The following SYNPR variants were observed in gnomAD, a reference collection of about 807,000 sequenced individuals.
The protein encoded by SYNPR is synaptoporin.
A neutral mutation model predicts 32.9 loss-of-function variants in SYNPR; 23 were observed. The observed-to-expected ratio is 0.70, with a 90% confidence interval of 0.50 to 0.99. The LOEUF is 0.99. Ranked by LOEUF, SYNPR falls within the 50% of genes least tolerant of loss-of-function variation. The probability of loss-of-function intolerance (pLI) is 0.00; values close to 1 mark genes in which losing one functional copy is unlikely to be tolerated. For synonymous variants in SYNPR, 146 were observed against 135.9 expected (o/e 1.07, Z -0.52); for missense variants, 318 against 349.3 (o/e 0.91, Z 0.71).
intron 3 of SYNPR, among the ~76,000 whole-genome samples, chr3:63,487,825 G>C (rs959620323): frequency 6.6e-6 from 1 of 152,146 alleles, no homozygotes; most frequent in Admixed American, 6.5e-5. Flanking sequence ...CGGTGGAGTA[G>C]GAGACTGAGG....
intron 1 of SYNPR, among the ~76,000 whole-genome samples, chr3:63,252,296 C>T (rs772761065): frequency 6.6e-5 from 10 of 152,098 alleles, no homozygotes; most frequent in East Asian, 1.9e-4. Context: ...ACTAAAATCA[C>T]GTATTCCTTT....
intron 1 of SYNPR, among the ~76,000 whole-genome samples, chr3:63,246,402 A>AC (rs1162949488): frequency 1.3e-5 from 2 of 152,042 alleles, no homozygotes; most frequent in Non-Finnish European, 2.9e-5. Flanking sequence ...TTTAGTGAGC[A>AC]CCTACTGTGT....
chr3:63,202,971 G>C, the SYNPR span, among the ~76,000 whole-genome samples: 3 of 150,566 alleles, frequency 2.0e-5, no homozygotes, highest in African/African-American at 7.4e-5. Context: ...ATCTATGGTA[G>C]CTGGAAAGAA....
chr3:63,478,858 C>T (rs948464043), intron 2 of SYNPR, among the ~76,000 whole-genome samples: 5 of 152,124 alleles, frequency 3.3e-5, no homozygotes, highest in African/African-American at 1.2e-4. Flanking sequence ...TGACGTGGCC[C>T]AAAGGGTTGG....
chr3:63,498,513 T>G (rs1409965726), intron 3 of SYNPR, among the ~76,000 whole-genome samples: 1 of 152,056 alleles, frequency 6.6e-6, no homozygotes, highest in African/African-American at 2.4e-5. Flanking sequence ...GATGAATAAT[T>G]GGGGAAACGT....
intron 2 of SYNPR, among the ~76,000 whole-genome samples, chr3:63,432,066 T>C (rs527603265): frequency 2.4e-4 from 37 of 151,916 alleles, no homozygotes; most frequent in African/African-American, 8.7e-4. Flanking sequence ...GAGAAAGGAG[T>C]TGGAGGATAA....
chr3:63,231,886 C>T (rs1421897462), intron 1 of SYNPR, among the ~76,000 whole-genome samples: 1 of 152,284 alleles, frequency 6.6e-6, no homozygotes, highest in South Asian at 2.1e-4. Context: ...TTTACTGGAG[C>T]ATTTACAGCA....
chr3:63,326,263 T>G (rs988038278), intron 2 of SYNPR, among the ~76,000 whole-genome samples: 2 of 151,740 alleles, frequency 1.3e-5, no homozygotes, highest in African/African-American at 2.4e-5. Flanking sequence ...AGTGTAGGAG[T>G]GTGGACATAT....
intron 2 of SYNPR, among the ~76,000 whole-genome samples, chr3:63,304,431 A>G (rs72880180): frequency 0.38 from 57,883 of 151,590 alleles, 11,382 homozygotes; most frequent in African/African-American, 0.42. Flanking sequence ...TCCTCTTTTA[A>G]CAATGTCTGA....
chr3:63,606,417 C>CTTTTTTTTTTTTTTTTTTTTTTTTTTTTT lies in SYNPR; in HGVS notation c.409-2686_409-2685insTTTTTTTTTTTTTTTTTTTTTTTTTTTTT, dbSNP rs61299069. On this transcript the variant is annotated intron_variant, in intron 4 of 5. Coordinates refer to ENST00000478300, the MANE Select transcript of SYNPR (RefSeq NM_001130003.2). ...AATTAAGCAGGACCTCAAATCCTTT[C>CTTTTTTTTTTTTTTTTTTTTTTTTTTTTT]TTTTTTTTTTTTTTTTTTTTTTAGC... Among the ~76,000 whole-genome samples, 27 of 68,300 alleles carry CTTTTTTTTTTTTTTTTTTTTTTTTTTTTT rather than the reference C, an allele frequency of 4.0e-4. 7 individuals are homozygous for CTTTTTTTTTTTTTTTTTTTTTTTTTTTTT. Among genetic ancestry groups the CTTTTTTTTTTTTTTTTTTTTTTTTTTTTT allele is most frequent in the Non-Finnish European group, 6.3e-4 (22 of 34,858 alleles). The allele number at this position is 68,300 out of a possible 152,430, so 44.8% of individuals were successfully genotyped here. A position where few individuals can be genotyped will look rare whatever the true frequency, so the allele number is the denominator to read the frequency against.
At chr3:63,295,797 T>C (rs1275237191) in intron 2 of SYNPR, among the ~76,000 whole-genome samples, 1 of 152,206 alleles carries the variant, frequency 6.6e-6, no homozygotes, top group East Asian at 1.9e-4. Flanking sequence ...CTTAGAGCCA[T>C]GAGATTAGAT....
At chr3:63,536,824 A>T (rs1043113053) in intron 3 of SYNPR, among the ~76,000 whole-genome samples, 1 of 152,166 alleles carries the variant, frequency 6.6e-6, no homozygotes, top group Non-Finnish European at 1.5e-5. Flanking sequence ...ACATGCAACA[A>T]CATGGATAAA....
chr3:63,577,353 C>T (rs1369113492), intron 4 of SYNPR, among the ~76,000 whole-genome samples: 2 of 152,062 alleles, frequency 1.3e-5, no homozygotes, highest in African/African-American at 4.8e-5. Flanking sequence ...TTATAGAGTA[C>T]CCTGAATTTA....
intron 2 of SYNPR, among the ~76,000 whole-genome samples, chr3:63,380,647 T>A (rs1235669244): frequency 1.3e-5 from 2 of 152,030 alleles, no homozygotes; most frequent in African/African-American, 4.8e-5. Flanking sequence ...GATGCAAAAA[T>A]TCTCAATAAA....
intron 3 of SYNPR, among the ~76,000 whole-genome samples, chr3:63,270,485 TTTAA>T (rs1163898663): frequency 6.6e-6 from 1 of 152,178 alleles, no homozygotes; most frequent in Non-Finnish European, 1.5e-5. Flanking sequence ...TTCCCTAATA[TTTAA>T]TTAGGCAGTT....
chr3:63,371,035 G>GA (rs1377545734), intron 2 of SYNPR, among the ~76,000 whole-genome samples: 2 of 152,218 alleles, frequency 1.3e-5, no homozygotes, highest in East Asian at 3.9e-4. Flanking sequence ...CATTCAGGTG[G>GA]ACACATTGCG....
chr3:63,300,172 T>C (rs1047420836), intron 2 of SYNPR, among the ~76,000 whole-genome samples: 1 of 152,070 alleles, frequency 6.6e-6, no homozygotes, highest in Non-Finnish European at 1.5e-5. Context: ...GGTGAAAAGA[T>C]AGGGAAGGAG....
chr3:63,501,996 G>C (rs558146245), intron 3 of SYNPR, among the ~76,000 whole-genome samples: 54 of 152,104 alleles, frequency 3.6e-4, no homozygotes, highest in Non-Finnish European at 4.1e-4. Flanking sequence ...CAAAGACTTA[G>C]TATGAAGAAA....
At chr3:63,206,810 G>A in the SYNPR span, among the ~76,000 whole-genome samples, 2 of 152,160 alleles carry the variant, frequency 1.3e-5, no homozygotes, top group African/African-American at 4.8e-5. Flanking sequence ...GGTACTAGAA[G>A]TAGACACCTG....
Sources: allele counts gnomAD v4.1 joint callset (sites outside exome capture counted in the v4.1 genomes callset), GRCh38; gene constraint gnomAD v4.1.1; transcripts MANE v1.5; gene names NCBI Gene and HGNC (gene_info 2026-07-23, HGNC 2026-07-21).